Variants in RBFOX1 observed in about 807,000 individuals in gnomAD.
The protein encoded by RBFOX1 is RNA binding fox-1 homolog 1.
In RBFOX1, 8 loss-of-function variants were observed where a neutral mutation model predicts 57.7. That is an observed-to-expected ratio of 0.14 (90% CI 0.08 to 0.25). The LOEUF is 0.25. Among genes scored for constraint, RBFOX1 ranks in the 10% least tolerant of loss-of-function variants. The probability of loss-of-function intolerance (pLI) is 1.00; values close to 1 mark genes in which losing one functional copy is unlikely to be tolerated. For synonymous variants in RBFOX1, 326 were observed against 222.4 expected, an observed-to-expected ratio of 1.47 and a Z score of -4.15; for missense variants, 611 against 548.5, an observed-to-expected ratio of 1.11 and a Z score of -1.14.
chr16:5,852,821 C>G (rs753049775), intron 3 of RBFOX1, among the ~76,000 whole-genome samples: 1 of 152,008 alleles, frequency 6.6e-6, no homozygotes, highest in Non-Finnish European at 1.5e-5. Context: ...CAGAGCAAAA[C>G]TCCATCTCTA....
rs144648819 is a variant in RBFOX1 at position 6,852,628 on chromosome 16, G to T, written c.-16+197978G>T. Among the ~76,000 whole-genome samples the T allele has an allele frequency of 5.7e-3, 863 of 152,230 alleles. 14 individuals carry two copies. The highest frequency in any genetic ancestry group is 0.02 in the African/African-American group (815 of 41,538). On this transcript the variant is annotated intron_variant, in intron 3 of 15. Transcript: ENST00000550418. The stretch of plus-strand genomic sequence containing the variant: ...ATGAGATGCATGCTGGGAACTAGCT[G>T]TCTGGGAGAGGTACATGCTGGGAAC...
intron 1 of RBFOX1, among the ~76,000 whole-genome samples, chr16:5,432,326 C>T (rs1470230146): frequency 2.1e-5 from 2 of 97,062 alleles, no homozygotes; most frequent in East Asian, 7.3e-4. Flanking sequence ...CTGTTGTTGC[C>T]GCTAACCAAA....
chr16:7,705,324 G>C (rs1023325966), intron 14 of RBFOX1, among the ~76,000 whole-genome samples: 10 of 152,084 alleles, frequency 6.6e-5, no homozygotes, highest in African/African-American at 2.4e-4. Flanking sequence ...GGCTAACACA[G>C]TGAAGCCCCA....
intron 4 of RBFOX1, among the ~76,000 whole-genome samples, chr16:5,895,387 G>A (rs1024962714): frequency 1.3e-5 from 2 of 152,314 alleles, no homozygotes; most frequent in Admixed American, 1.3e-4. Flanking sequence ...TGAGCTTCTG[G>A]AAGTAGGAGC....
At chr16:7,598,482 G>C (rs1366066638) in intron 9 of RBFOX1, among the ~76,000 whole-genome samples, 1 of 151,858 alleles carries the variant, frequency 6.6e-6, no homozygotes, top group Non-Finnish European at 1.5e-5. Context: ...TGCACATGGA[G>C]ATACGGATTT....
At chr16:6,379,452 G>A (rs775725041) in intron 2 of RBFOX1, among the ~76,000 whole-genome samples, 4 of 151,808 alleles carry the variant, frequency 2.6e-5, no homozygotes, top group African/African-American at 4.8e-5. Flanking sequence ...GAACTATATC[G>A]TCACCCTACC....
At chr16:5,759,731 C>G (rs1232178037) in intron 3 of RBFOX1, among the ~76,000 whole-genome samples, 17 of 152,152 alleles carry the variant, frequency 1.1e-4, no homozygotes, top group Non-Finnish European at 2.2e-4. Context: ...ATGGCAGTTA[C>G]CACTTTGGCT....
At chr16:7,595,081 C>T (rs983742129) in intron 7 of RBFOX1, among the ~76,000 whole-genome samples, 3 of 152,138 alleles carry the variant, frequency 2.0e-5, no homozygotes, top group African/African-American at 7.2e-5. Flanking sequence ...TAAAACCACA[C>T]GGCATGACTC....
chr16:7,512,185 C>T (rs2075274431), intron 4 of RBFOX1, among the ~76,000 whole-genome samples: 1 of 152,154 alleles, frequency 6.6e-6, no homozygotes, highest in Admixed American at 6.5e-5. Context: ...CAGAATGCTC[C>T]AAATAATTTT....
chr16:6,308,821 G>T (rs1049488599), intron 1 of RBFOX1, among the ~76,000 whole-genome samples: 10 of 152,112 alleles, frequency 6.6e-5, no homozygotes. Context: ...AGATATGGGG[G>T]ATGTAGAGGA....
At chr16:5,844,601 A>AG (rs1480882225) in intron 3 of RBFOX1, among the ~76,000 whole-genome samples, 3 of 152,208 alleles carry the variant, frequency 2.0e-5, no homozygotes, top group Non-Finnish European at 4.4e-5. Flanking sequence ...GGAAAAAGGA[A>AG]GGGGGAAAAA....
intron 1 of RBFOX1, among the ~76,000 whole-genome samples, chr16:6,231,219 TGTGTGTGTGTGTGTGTGTAG>T (rs1039491942): frequency 4.3e-5 from 4 of 92,784 alleles, no homozygotes; most frequent in South Asian, 3.8e-4. Context: ...TATGTGTTTG[TGTGTGTGTGTGTGTGTGTAG>T]GTGTGTGTGT....
rs572357802 is a variant in RBFOX1, at chr16:6,580,157, C to T, written c.-63-74446C>T. 2.6e-5 allele frequency among the ~76,000 whole-genome samples: 4 copies of T among 152,170 alleles called. No homozygotes were observed. The South Asian group carries it at 8.3e-4, about 32-fold the overall frequency. On this transcript the variant is annotated intron_variant, in intron 2 of 15. Coordinates refer to ENST00000550418, the MANE Select transcript of RBFOX1 (RefSeq NM_018723.4). Reference sequence around the variant, plus strand: ...TGTTTTTAGAAGAGACAGGGTTTCACCATGTCAGCCAGGCTGGTCTCGAAC... The same window carrying T: ...TGTTTTTAGAAGAGACAGGGTTTCATCATGTCAGCCAGGCTGGTCTCGAAC...
chr16:5,397,121 G>A (rs908390376), intron 1 of RBFOX1, among the ~76,000 whole-genome samples: 1 of 152,186 alleles, frequency 6.6e-6, no homozygotes, highest in Non-Finnish European at 1.5e-5. Flanking sequence ...CTCATCCAAA[G>A]GCAGAAGCAA....
chr16:5,936,412 C>G (rs1355362393), intron 4 of RBFOX1, among the ~76,000 whole-genome samples: 2 of 152,178 alleles, frequency 1.3e-5, no homozygotes, highest in Non-Finnish European at 2.9e-5. Context: ...GTATGAGCCA[C>G]TGCACCTGGC....
At chr16:6,934,469 C>T (rs1368161102) in intron 3 of RBFOX1, among the ~76,000 whole-genome samples, 1 of 152,118 alleles carries the variant, frequency 6.6e-6, no homozygotes, top group Admixed American at 6.5e-5. Flanking sequence ...GACATGGAAT[C>T]AACCTAACTG....
chr16:5,994,839 A>G (rs921069626), intron 4 of RBFOX1, among the ~76,000 whole-genome samples: 2 of 152,202 alleles, frequency 1.3e-5, no homozygotes, highest in Non-Finnish European at 2.9e-5. Flanking sequence ...CAAAGGGCCA[A>G]GTGCCCAATG....
intron 9 of RBFOX1, among the ~76,000 whole-genome samples, chr16:7,604,019 G>A (rs780218958): frequency 1.3e-5 from 2 of 152,164 alleles, no homozygotes; most frequent in East Asian, 1.9e-4. Context: ...TGCAGTGGTG[G>A]CAATGGAGAA....
chr16:5,740,200 C>T (rs1213431607), intron 3 of RBFOX1, among the ~76,000 whole-genome samples: 2 of 152,070 alleles, frequency 1.3e-5, no homozygotes, highest in Non-Finnish European at 2.9e-5. Flanking sequence ...CTGGGGGCTC[C>T]CTGAGGAGTT....
Sources: gnomAD v4.1 joint callset for allele counts (sites outside exome capture counted in the v4.1 genomes callset) on GRCh38, gnomAD v4.1.1 for gene constraint, MANE v1.5 for transcripts, NCBI Gene and HGNC (gene_info 2026-07-23, HGNC 2026-07-21) for gene names.